The following CCDC171 variants were observed in gnomAD, a reference collection of about 807,000 sequenced individuals.
CCDC171 encodes coiled-coil domain-containing protein 171.
In CCDC171, 177 loss-of-function variants were observed where a neutral mutation model predicts 168.2. The observed-to-expected ratio is 1.05, with a 90% CI of 0.93 to 1.19. CCDC171 has a LOEUF of 1.19. Among genes scored for constraint, CCDC171 ranks in the 50% most tolerant of loss-of-function variants. CCDC171 has a pLI of 0.00. For synonymous variants in CCDC171, 687 were observed against 540.8 expected (o/e 1.27, Z -3.75); for missense variants, 1,991 against 1,539.0 (o/e 1.29, Z -4.91).
At chr9:15,903,608 AAATC>A (rs1354664132) in intron 24 of CCDC171, among the ~76,000 whole-genome samples, 2 of 152,174 alleles carry the variant, frequency 1.3e-5, no homozygotes, top group African/African-American at 2.4e-5. Flanking sequence ...GAAACTCTAA[AAATC>A]AGAGTGCCTC....
At chr9:15,946,024 T>G (rs1487129259) in intron 25 of CCDC171, among the ~76,000 whole-genome samples, 1 of 151,814 alleles carries the variant, frequency 6.6e-6, no homozygotes, top group Non-Finnish European at 1.5e-5. Flanking sequence ...GTCTATCGTT[T>G]AAGTCTTTAA....
At chr9:16,106,215 TG>T in the CCDC171 span, among the ~76,000 whole-genome samples, 1 of 152,240 alleles carries the variant, frequency 6.6e-6, no homozygotes, top group Admixed American at 6.5e-5. Flanking sequence ...AAAGGCTCCA[TG>T]TTTTTGTGGC....
chr9:15,675,161 T>C (rs186182273), intron 9 of CCDC171, among the ~76,000 whole-genome samples: 1 of 151,168 alleles, frequency 6.6e-6, no homozygotes, highest in East Asian at 2.0e-4. Context: ...AAGTCTGTTT[T>C]ATCAGAGACT....
At chr9:15,812,807 T>C (rs1452608763) in intron 21 of CCDC171, among the ~76,000 whole-genome samples, 3 of 152,182 alleles carry the variant, frequency 2.0e-5, no homozygotes, top group Admixed American at 6.5e-5. Context: ...TCTTCCTTTC[T>C]CTGAATGGGA....
chr9:15,979,111 C>A (rs1313172825), intron 3 of CCDC171, among the ~76,000 whole-genome samples: 2 of 152,166 alleles, frequency 1.3e-5, no homozygotes, highest in African/African-American at 4.8e-5. Flanking sequence ...TATGAATAGA[C>A]CACATTTTGT....
intron 8 of CCDC171, among the ~76,000 whole-genome samples, chr9:15,665,319 A>G (rs183471442): frequency 6.6e-6 from 1 of 152,264 alleles, no homozygotes; most frequent in Admixed American, 6.5e-5. Context: ...ATATCAAATA[A>G]CGATAACCAT....
rs1589160484 is a variant in CCDC171, at chr9:15,931,697, A to G, written c.3753+11275A>G. Among the ~76,000 whole-genome samples the G allele has an allele frequency of 2.7e-5, 4 of 149,842 alleles. 1 individual carries two copies. The South Asian group carries it at 8.3e-4, about 31-fold the overall frequency. On this transcript the variant is annotated intron_variant, in intron 25 of 25. Coordinates refer to ENST00000380701, the MANE Select transcript of CCDC171 (RefSeq NM_173550.4). ...GTCTTACTCAAAAAATTCTTCCCCA[A>G]CCCAATATCATGAAGCATTTCTCCT...
At chr9:16,085,484 G>A in the CCDC171 span, among the ~76,000 whole-genome samples, 5,017 of 152,240 alleles carry the variant, frequency 0.033, 102 homozygotes, top group African/African-American at 0.052. Context: ...CAGGCAATTC[G>A]CTGAGCTTGC....
chr9:15,737,100 G>T (rs2054546495), intron 16 of CCDC171, among the ~76,000 whole-genome samples: 1 of 151,704 alleles, frequency 6.6e-6, no homozygotes. Flanking sequence ...AGAAACTGAA[G>T]TTTTAATACA....
chr9:15,938,642 A>G (rs1421996092), intron 25 of CCDC171, among the ~76,000 whole-genome samples: 1 of 151,984 alleles, frequency 6.6e-6, no homozygotes, highest in Admixed American at 6.6e-5. Context: ...TTAAGATTCT[A>G]TGTTAGCTGA....
At chr9:15,949,888 T>G (rs1183219836) in intron 25 of CCDC171, among the ~76,000 whole-genome samples, 1 of 152,188 alleles carries the variant, frequency 6.6e-6, no homozygotes, top group Non-Finnish European at 1.5e-5. Flanking sequence ...TGTGCCAGTT[T>G]TCAAATGGAA....
chr9:15,805,817 T>C (rs2059046020), intron 21 of CCDC171, among the ~76,000 whole-genome samples: 1 of 152,122 alleles, frequency 6.6e-6, no homozygotes, highest in Admixed American at 6.6e-5. Context: ...ATTTTCTGTC[T>C]GATAATCTGT....
intron 23 of CCDC171, among the ~76,000 whole-genome samples, chr9:15,871,494 ACTATT>A (rs2062037102): frequency 1.3e-5 from 2 of 151,852 alleles, no homozygotes; most frequent in African/African-American, 4.8e-5. Context: ...AAATAATTTG[ACTATT>A]CTAATATTAC....
At chr9:15,967,296 A>G (rs1031239189) in intron 25 of CCDC171, among the ~76,000 whole-genome samples, 1 of 152,192 alleles carries the variant, frequency 6.6e-6, no homozygotes, top group African/African-American at 2.4e-5. Flanking sequence ...AGCTGTGCAG[A>G]CTACTTAAAA....
intron 16 of CCDC171, among the ~76,000 whole-genome samples, chr9:15,742,434 C>T (rs946242137): frequency 1.3e-5 from 2 of 152,220 alleles, no homozygotes; most frequent in East Asian, 1.9e-4. Context: ...TCTGCCTCTT[C>T]CTTTTCCTCA....
At chr9:15,710,136 T>A (rs1038758140) in intron 11 of CCDC171, among the ~76,000 whole-genome samples, 1 of 152,158 alleles carries the variant, frequency 6.6e-6, no homozygotes, top group Non-Finnish European at 1.5e-5. Context: ...AAATATAAGA[T>A]CATTATAATA....
rs2051118009 is a variant in CCDC171 at position 15,695,151 on chromosome 9, TAC to T, written c.1216-83_1216-82del. On this transcript the variant is annotated intron_variant, in intron 10 of 25. Coordinates refer to ENST00000380701, the MANE Select transcript of CCDC171 (RefSeq NM_173550.4). ...TTGAATGGAATCATTATCTTGTTTA[TAC>T]TTGTGTTATATATGTTCACACTAAA... 3.7e-6 allele frequency: 3 copies of T among 809,234 alleles called. No individual in the cohort carries two copies. In the South Asian group the frequency reaches 4.5e-5, roughly 12 times the overall value. The allele number at this position is 809,234 out of a possible 1,614,324, so 50.1% of individuals were successfully genotyped here.
chr9:15,962,862 T>C (rs1206663223), intron 25 of CCDC171, among the ~76,000 whole-genome samples: 1 of 151,424 alleles, frequency 6.6e-6, no homozygotes, highest in African/African-American at 2.4e-5. Context: ...CATGTATGTG[T>C]GTTTATGCTT....
intron 25 of CCDC171, among the ~76,000 whole-genome samples, chr9:15,950,124 G>A (rs1157998705): frequency 1.3e-5 from 2 of 152,172 alleles, no homozygotes; most frequent in Admixed American, 6.6e-5. Context: ...ATGGGACTAT[G>A]TGAAAAGACC....
Sources: allele counts gnomAD v4.1 joint callset (sites outside exome capture counted in the v4.1 genomes callset), GRCh38; gene constraint gnomAD v4.1.1; transcripts MANE v1.5; gene names NCBI Gene and HGNC (gene_info 2026-07-23, HGNC 2026-07-21).